Variants in VPS13B observed in about 807,000 individuals in gnomAD.
The protein encoded by VPS13B is intermembrane lipid transfer protein VPS13B.
In VPS13B, 285 loss-of-function variants were observed where a neutral mutation model predicts 426.4. The ratio of observed to expected loss-of-function variants is 0.67; its 90% CI spans 0.61 to 0.74. The LOEUF (loss-of-function observed/expected upper bound fraction) is 0.74. VPS13B is among the 30% of genes least tolerant of loss of function. The pLI is 0.00. For missense variants in VPS13B, 4,537 were observed against 4,782.6 expected, an observed-to-expected ratio of 0.95 and a Z score of 1.51; for synonymous variants, 1,676 against 1,676.4, an observed-to-expected ratio of 1.00 and a Z score of 0.01.
Position 99,868,316 on chromosome 8 carries a change from C to G in VPS13B, c.11243C>G (p.Pro3748Arg). ...LGAIAGIVDQ[P>R]MQNFQKTSEA... ...GCAATTGCTGGTATAGTTGATCAGC[C>G]GATGCAGAACTTCCAGAAAACATCT... is the stretch of plus-strand genomic sequence containing the variant. The change falls in exon 59 of 62, where the codon CCG becomes CGG. Residue 3748 changes from proline to arginine, a missense_variant. Coordinates refer to ENST00000357162, the MANE Select transcript of VPS13B (RefSeq NM_152564.5). 1 of 1,614,068 alleles carries G rather than the reference C, an allele frequency of 6.2e-7. No individual in the cohort carries two copies. The highest frequency in any genetic ancestry group is 8.5e-7 in the Non-Finnish European group (1 of 1,180,010).
intron 25 of VPS13B, among the ~76,000 whole-genome samples, chr8:99,493,630 C>T (rs1165040447): frequency 6.6e-6 from 1 of 151,782 alleles, no homozygotes; most frequent in African/African-American, 2.4e-5. Context: ...ACTCCAAATA[C>T]AAAACTTAAC....
intron 25 of VPS13B, among the ~76,000 whole-genome samples, chr8:99,494,325 C>T (rs1013801571): frequency 6.6e-6 from 1 of 152,058 alleles, no homozygotes; most frequent in Non-Finnish European, 1.5e-5. Flanking sequence ...TTAAATCTTC[C>T]AATGTATGAA....
chr8:99,219,131 C>G (rs1339218032), intron 17 of VPS13B, among the ~76,000 whole-genome samples: 1 of 152,104 alleles, frequency 6.6e-6, no homozygotes, highest in Non-Finnish European at 1.5e-5. Flanking sequence ...ATCTGCCACT[C>G]TGGTTTTCCA....
At chr8:99,591,899 G>T (rs921220329) in intron 33 of VPS13B, among the ~76,000 whole-genome samples, 1 of 152,102 alleles carries the variant, frequency 6.6e-6, no homozygotes, top group Non-Finnish European at 1.5e-5. Context: ...ATGTTGGCCT[G>T]CCTTGCTAGG....
chr8:99,420,930 T>TA (rs1458202782), intron 21 of VPS13B, among the ~76,000 whole-genome samples: 2 of 152,218 alleles, frequency 1.3e-5, no homozygotes, highest in African/African-American at 4.8e-5. Context: ...GTTCTTTACA[T>TA]AATCAATGAT....
intron 33 of VPS13B, among the ~76,000 whole-genome samples, chr8:99,615,220 G>A (rs1170409025): frequency 6.6e-6 from 1 of 151,366 alleles, no homozygotes; most frequent in Non-Finnish European, 1.5e-5. Context: ...AATTACTCAT[G>A]TGTTATTATT....
chr8:99,719,034 TC>T (rs766241960), intron 37 of VPS13B, among the ~76,000 whole-genome samples: 5 of 152,182 alleles, frequency 3.3e-5, no homozygotes, highest in African/African-American at 4.8e-5. Context: ...TTTGGGAAGA[TC>T]CTAATAACTT....
intron 23 of VPS13B, among the ~76,000 whole-genome samples, chr8:99,449,640 T>G (rs1487138210): frequency 2.0e-5 from 3 of 152,072 alleles, no homozygotes; most frequent in Non-Finnish European, 2.9e-5. Flanking sequence ...TAAGGAAAAC[T>G]GTGAGGAAAA....
rs1469174777 is a variant in VPS13B at position 99,788,395 on chromosome 8, A to G, written c.7941+3919A>G. On this transcript the variant is annotated intron_variant, in intron 43 of 61. Coordinates refer to ENST00000357162, the MANE Select transcript of VPS13B (RefSeq NM_152564.5). ...TGAGACCCCATCTTAAAAAAAAAAA[A>G]AAAAAAAAGCAAAATGTAACAAGGT... 2.6e-5 allele frequency among the ~76,000 whole-genome samples: 4 copies of G among 151,364 alleles called. No homozygotes were observed. In the East Asian group the frequency reaches 7.7e-4, roughly 29 times the overall value.
At chr8:99,077,252 A>G (rs1845181622) in intron 3 of VPS13B, among the ~76,000 whole-genome samples, 1 of 152,014 alleles carries the variant, frequency 6.6e-6, no homozygotes, top group South Asian at 2.1e-4. Context: ...AGCTCACTGC[A>G]ACCTCCGCCT....
chr8:99,429,022 A>G (rs934192284), intron 21 of VPS13B, among the ~76,000 whole-genome samples: 1 of 152,104 alleles, frequency 6.6e-6, no homozygotes, highest in African/African-American at 2.4e-5. Flanking sequence ...CAGCAAACTA[A>G]CGCAAGGACA....
At chr8:99,653,062 T>A (rs903780875) in intron 34 of VPS13B, among the ~76,000 whole-genome samples, 4 of 152,192 alleles carry the variant, frequency 2.6e-5, no homozygotes, top group African/African-American at 9.7e-5. Flanking sequence ...GCCAAAGCTC[T>A]TTCATGCAAA....
intron 8 of VPS13B, among the ~76,000 whole-genome samples, chr8:99,122,054 T>C (rs1196597634): frequency 1.3e-5 from 2 of 150,840 alleles, no homozygotes; most frequent in Non-Finnish European, 2.9e-5. Context: ...AGAGTTGGGG[T>C]TTTGCCATGT....
intron 3 of VPS13B, among the ~76,000 whole-genome samples, chr8:99,049,248 A>G (rs1446437060): frequency 1.4e-5 from 2 of 145,144 alleles, no homozygotes; most frequent in Non-Finnish European, 3.0e-5. Context: ...TTTTTGTTTT[A>G]TAGGTCCTGT....
chr8:99,158,519 C>T (rs1811481739), intron 15 of VPS13B, among the ~76,000 whole-genome samples: 1 of 152,122 alleles, frequency 6.6e-6, no homozygotes, highest in African/African-American at 2.4e-5. Context: ...GGCGACAGGG[C>T]AAGACGCTGA....
chr8:99,240,750 A>C (rs1323167423), intron 17 of VPS13B: 2 of 152,668 alleles, frequency 1.3e-5, no homozygotes, highest in Non-Finnish European at 2.9e-5. Flanking sequence ...GTAAGTAAGC[A>C]TTGCTTTTAA....
chr8:99,585,171 G>A (rs1419542806), intron 33 of VPS13B, among the ~76,000 whole-genome samples: 1 of 152,118 alleles, frequency 6.6e-6, no homozygotes, highest in Non-Finnish European at 1.5e-5. Flanking sequence ...TGGTAGGACA[G>A]TGAAAAAAAT....
intron 17 of VPS13B, among the ~76,000 whole-genome samples, chr8:99,199,374 T>C (rs1455359453): frequency 6.6e-6 from 1 of 151,788 alleles, no homozygotes; most frequent in African/African-American, 2.4e-5. Context: ...GGTTTCACCG[T>C]GTTAGCCAGG....
In VPS13B at chr8:99,171,916, A is replaced by G. The variant is rs542211226; in HGVS notation, c.2333+1753A>G. Reference sequence around the variant, plus strand: ...TTAAGCAGTATGTCCTATAAGTTTAAAGAAAGCAGACAGTTTCCCTGGGAC... The same window carrying G: ...TTAAGCAGTATGTCCTATAAGTTTAGAGAAAGCAGACAGTTTCCCTGGGAC... On this transcript the variant is annotated intron_variant, in intron 16 of 61. Coordinates refer to ENST00000357162, the MANE Select transcript of VPS13B (RefSeq NM_152564.5). 9.9e-5 allele frequency among the ~76,000 whole-genome samples: 15 copies of G among 152,276 alleles called. No individual in the cohort carries two copies. In the South Asian group the frequency reaches 2.7e-3, roughly 27 times the overall value.
Sources: allele counts gnomAD v4.1 joint callset (sites outside exome capture counted in the v4.1 genomes callset), GRCh38; gene constraint gnomAD v4.1.1; transcripts MANE v1.5; gene names NCBI Gene and HGNC (gene_info 2026-07-23, HGNC 2026-07-21).